The following GPHN variants were observed in gnomAD, a reference collection of about 807,000 sequenced individuals.
GPHN encodes gephyrin.
GPHN carries 17 observed loss-of-function variants against 95.5 expected under a neutral mutation model. That is an observed-to-expected ratio of 0.18 (90% CI 0.12 to 0.27). The LOEUF (loss-of-function observed/expected upper bound fraction) is 0.27, where lower values mean the gene tolerates loss of function less well. GPHN is among the 10% of genes least tolerant of loss of function. The probability of loss-of-function intolerance (pLI) is 1.00; values close to 1 mark genes in which losing one functional copy is unlikely to be tolerated. For missense variants in GPHN, 660 were observed against 978.1 expected (o/e 0.67, Z 4.34); for synonymous variants, 320 against 322.5 (o/e 0.99, Z 0.08).
chr14:67,254,486 A>G, the GPHN span, among the ~76,000 whole-genome samples: 1 of 152,136 alleles, frequency 6.6e-6, no homozygotes, highest in Admixed American at 6.5e-5. Flanking sequence ...TACTACCATA[A>G]TAAAAGTTAA....
chr14:67,256,774 G>A, the GPHN span, among the ~76,000 whole-genome samples: 1 of 148,250 alleles, frequency 6.7e-6, no homozygotes, highest in East Asian at 2.0e-4. Flanking sequence ...TAAGTAGGAG[G>A]ACGAAGTGTT....
At chr14:67,672,719 A>G in the GPHN span, among the ~76,000 whole-genome samples, 1 of 152,194 alleles carries the variant, frequency 6.6e-6, no homozygotes, top group African/African-American at 2.4e-5. Flanking sequence ...CTGGAATTAC[A>G]GGTGTGAGCC....
At chr14:67,582,968 G>A in the GPHN span, among the ~76,000 whole-genome samples, 1 of 152,194 alleles carries the variant, frequency 6.6e-6, no homozygotes, top group Non-Finnish European at 1.5e-5. This position sits in a 1 kb window ranked among gnomAD's most constrained non-coding sequence, Gnocchi z 5.0. Context: ...GACCTTCTAA[G>A]TAGACTTAGG....
At chr14:66,811,772 C>G (rs1279369548) in intron 3 of GPHN, among the ~76,000 whole-genome samples, 1 of 152,060 alleles carries the variant, frequency 6.6e-6, no homozygotes, top group African/African-American at 2.4e-5. Context: ...ATTTTATTGA[C>G]AAATAAAATA....
At chr14:66,573,881 C>G (rs1335288909) in intron 1 of GPHN, among the ~76,000 whole-genome samples, 1 of 152,154 alleles carries the variant, frequency 6.6e-6, no homozygotes, top group Non-Finnish European at 1.5e-5. Flanking sequence ...CACATTCAAC[C>G]AATTTGTGTC....
chr14:67,253,016 A>G, the GPHN span, among the ~76,000 whole-genome samples: 6 of 152,204 alleles, frequency 3.9e-5, no homozygotes, highest in African/African-American at 7.2e-5. Context: ...TTGTTTTTCC[A>G]TAGGCACATA....
Position 67,049,740 on chromosome 14 carries a change from T to A in GPHN, c.1007-8909T>A, listed in dbSNP as rs191205285. Among the ~76,000 whole-genome samples the A allele has an allele frequency of 3.3e-5, 5 of 152,300 alleles. No homozygotes were observed. The East Asian group carries it at 9.7e-4, about 29-fold the overall frequency. ...GTTGGCCAGGATGGTCTTGATCATT[T>A]GACCTCGTGATCCGCCCACCTCAGC... On this transcript the variant is annotated intron_variant, in intron 10 of 22. Transcript: ENST00000478722.
chr14:66,514,962 G>A (rs1024929494), intron 1 of GPHN, among the ~76,000 whole-genome samples: 10 of 152,062 alleles, frequency 6.6e-5, no homozygotes, highest in African/African-American at 2.4e-4. Flanking sequence ...CTTTATTTTG[G>A]GAAGTCATTT....
chr14:67,445,247 AAC>A, the GPHN span, among the ~76,000 whole-genome samples: 1 of 152,040 alleles, frequency 6.6e-6, no homozygotes, highest in African/African-American at 2.4e-5. Flanking sequence ...GGGTCGTGGG[AAC>A]ACCTAAATTT....
At chr14:67,346,718 G>A in the GPHN span, among the ~76,000 whole-genome samples, 1 of 152,216 alleles carries the variant, frequency 6.6e-6, no homozygotes, top group Non-Finnish European at 1.5e-5. Context: ...AAAAGTGGAA[G>A]TGGGCTATAA....
chr14:67,576,015 A>G, the GPHN span: 1 of 1,598,482 alleles, frequency 6.3e-7, no homozygotes, highest in Non-Finnish European at 8.6e-7. The surrounding 1 kb of genome is among the most constrained non-coding windows in gnomAD (Gnocchi z 4.0). Flanking sequence ...GGTAAGGAAG[A>G]GGGCTGGGCC....
chr14:66,546,256 G>A lies in GPHN; in HGVS notation c.64+37665G>A, dbSNP rs1252039994. Among the ~76,000 whole-genome samples the A allele has an allele frequency of 2.6e-5, 4 of 151,672 alleles. No individual in the cohort carries two copies. The East Asian group carries it at 5.9e-4, about 22-fold the overall frequency. On this transcript the variant is annotated intron_variant, in intron 1 of 22. Transcript: ENST00000478722. ...CTCCTCACTTTCTAGATGGGATGGC[G>A]GCCGGGCAGAGACGCTCCTCACTTT...
chr14:67,397,977 G>A, the GPHN span: 1 of 568,404 alleles, frequency 1.8e-6, no homozygotes, highest in Non-Finnish European at 3.0e-6. Flanking sequence ...GATCTCTTCT[G>A]AGTACGTAGC....
At chr14:67,623,441 G>GT in the GPHN span, among the ~76,000 whole-genome samples, 111 of 147,484 alleles carry the variant, frequency 7.5e-4, no homozygotes, top group African/African-American at 2.6e-3. Context: ...TAAATTTCCT[G>GT]TTTTCTCTCG....
intron 2 of GPHN, among the ~76,000 whole-genome samples, chr14:66,761,975 T>C (rs2153453337): frequency 6.6e-6 from 1 of 152,292 alleles, no homozygotes; most frequent in African/African-American, 2.4e-5. Flanking sequence ...GAGCATACTT[T>C]ATTTTTCTAG....
At chr14:67,193,316 A>G in the GPHN span, among the ~76,000 whole-genome samples, 3 of 128,862 alleles carry the variant, frequency 2.3e-5, no homozygotes, top group African/African-American at 8.3e-5. Flanking sequence ...CTCTATATAG[A>G]TATCTATATA....
chr14:67,027,460 A>G (rs772064369), intron 10 of GPHN, among the ~76,000 whole-genome samples: 1 of 151,996 alleles, frequency 6.6e-6, no homozygotes, highest in Non-Finnish European at 1.5e-5. Flanking sequence ...CCTCCTGAGT[A>G]GCTGGGACTA....
At chr14:67,288,618 T>A in the GPHN span, among the ~76,000 whole-genome samples, 55 of 152,348 alleles carry the variant, frequency 3.6e-4, no homozygotes, top group African/African-American at 1.3e-3. Flanking sequence ...TTATAATTTC[T>A]TTTTCTTATA....
the GPHN span, chr14:67,572,230 C>T: frequency 6.2e-7 from 1 of 1,609,066 alleles, no homozygotes; most frequent in Non-Finnish European, 8.5e-7. Context: ...TGAGCACAAA[C>T]TGCAGCGCAC....
Sources: allele counts gnomAD v4.1 joint callset (sites outside exome capture counted in the v4.1 genomes callset), GRCh38; gene constraint gnomAD v4.1.1; non-coding constraint Gnocchi (gnomAD v3.1); transcripts MANE v1.5; gene names NCBI Gene and HGNC (gene_info 2026-07-23, HGNC 2026-07-21).